Variants in PEG3 observed in about 807,000 individuals in gnomAD.
PEG3 encodes paternally-expressed gene 3 protein.
PEG3 carries 23 observed loss-of-function variants against 35.5 expected under a neutral mutation model. The observed-to-expected ratio is 0.65, with a 90% CI of 0.47 to 0.92. The LOEUF (loss-of-function observed/expected upper bound fraction) is 0.92. PEG3 is among the 40% of genes least tolerant of loss of function. PEG3 has a pLI of 0.00. For missense variants in PEG3, 1,960 were observed against 1,985.3 expected (o/e 0.99, Z 0.24); for synonymous variants, 707 against 697.0 (o/e 1.01, Z -0.23).
chr19:56,821,955 A>G (rs569499631), intron 6 of PEG3, among the ~76,000 whole-genome samples: 24 of 151,698 alleles, frequency 1.6e-4, no homozygotes, highest in African/African-American at 5.6e-4. Context: ...GGGCAGGGCC[A>G]GGGGCCCTGC....
intron 7 of PEG3, among the ~76,000 whole-genome samples, chr19:56,819,989 C>A (rs945516195): frequency 2.6e-5 from 4 of 152,130 alleles, no homozygotes; most frequent in Non-Finnish European, 5.9e-5. Flanking sequence ...CTAAGTAGGG[C>A]AAGGAAACAC....
chr19:56,810,374 T>C lies in PEG3; in HGVS notation c.*3301A>G. On this transcript the variant is annotated 3_prime_UTR_variant, in exon 10 of 10. Coordinates refer to ENST00000326441, the MANE Select transcript of PEG3 (RefSeq NM_006210.3). ...GGAAACCGAAACAAAATAACCATAA[T>C]CCCACAACAACCACACAACTATTTC... The C allele has an allele frequency of 1.0e-6, 1 of 985,342 alleles. No individual in the cohort carries two copies. The highest frequency in any genetic ancestry group is 1.2e-6 in the Non-Finnish European group (1 of 829,890). 61.0% of individuals were successfully genotyped at this position (985,342 alleles called of 1,614,324 possible). A position where few individuals can be genotyped will look rare whatever the true frequency, so the allele number is the denominator to read the frequency against.
At chr19:56,820,756 G>C (rs1013464296) in intron 7 of PEG3, among the ~76,000 whole-genome samples, 3 of 152,220 alleles carry the variant, frequency 2.0e-5, no homozygotes, top group African/African-American at 7.2e-5. Context: ...CAACATTTGT[G>C]TCAATACTTA....
In PEG3 at chr19:56,824,690, C is replaced by G. The variant is rs199858418; in HGVS notation, c.-35G>C. ...TAAAATTTTCACTGGAGGAACCAAA[C>G]ATGAGTCAACAGGAAAGACGCGGCA... is the stretch of plus-strand genomic sequence containing the variant. On this transcript the variant is annotated 5_prime_UTR_variant, in exon 4 of 10. It removes an upstream start codon present in the reference 5' UTR. Transcript: ENST00000326441. 6 of 1,567,732 alleles carry G rather than the reference C, an allele frequency of 3.8e-6. No individual in the cohort carries two copies. The highest frequency in any genetic ancestry group is 3.4e-4 in the Middle Eastern group (2 of 5,868).
At position 56,824,760 on chromosome 19, in the gene PEG3, T is replaced by C. The variant is rs565372631; in HGVS notation, c.-86-19A>G. ...CAGGGACCTGTGGATCGTAAGGAGA[T>C]ATACACATGTCCCAGAAGTTGAAGA... On this transcript the variant is annotated intron_variant, in intron 3 of 9. Coordinates refer to ENST00000326441, the MANE Select transcript of PEG3 (RefSeq NM_006210.3). 7.9e-5 allele frequency: 86 copies of C among 1,083,722 alleles called. No homozygotes were observed. The highest frequency in any genetic ancestry group is 1.9e-4 in the African/African-American group (12 of 63,534). The allele number at this position is 1,083,722 out of a possible 1,614,324, so 67.1% of individuals were successfully genotyped here. A position where few individuals can be genotyped will look rare whatever the true frequency, so the allele number is the denominator to read the frequency against.
rs2059831970 is a variant in PEG3, at chr19:56,814,914, T to C, written c.3528A>G (p.Ser1176=). The part of the protein sequence containing the change: ...PKCGESFIHS[S]FLFEHQRIHE... ...GGATTCTCTGATGCTCGAAAAGGAA[T>C]GAGCTATGAATAAAAGATTCCCCAC... Residue 1176 remains serine, a synonymous_variant, in exon 10 of 10, where the codon TCA becomes TCG. Transcript: ENST00000326441. The surrounding 1 kb of genome is among the most constrained non-coding windows in gnomAD (Gnocchi z 5.8). 1.9e-6 allele frequency: 3 copies of C among 1,613,514 alleles called. No homozygotes were observed. The highest frequency in any genetic ancestry group is 1.7e-5 in the Admixed American group (1 of 60,008).
intron 1 of PEG3, among the ~76,000 whole-genome samples, chr19:56,837,085 T>C (rs187048008): frequency 6.6e-6 from 1 of 152,118 alleles, no homozygotes; most frequent in East Asian, 1.9e-4. Context: ...TAAGATCTCC[T>C]TGGGTGGAGC....
intron 2 of PEG3, among the ~76,000 whole-genome samples, chr19:56,827,305 C>T (rs1466971205): frequency 6.6e-6 from 1 of 152,114 alleles, no homozygotes; most frequent in Non-Finnish European, 1.5e-5. Context: ...ATTAAACATA[C>T]ACAATCTTCC....
At position 56,810,981 on chromosome 19, in the gene PEG3, TA is replaced by T; in HGVS notation, c.*2693del. ...GTATTTAACCATAATTCCACAAAGGTAATGTAACAGCTATTTTGAATATACA... is the reference window on the plus strand; with the variant it reads ...GTATTTAACCATAATTCCACAAAGGTATGTAACAGCTATTTTGAATATACA... On this transcript the variant is annotated 3_prime_UTR_variant, in exon 10 of 10. Coordinates refer to ENST00000326441, the MANE Select transcript of PEG3 (RefSeq NM_006210.3). The T allele has an allele frequency of 1.0e-6, 1 of 972,898 alleles. No homozygotes were observed. The highest frequency in any genetic ancestry group is 1.2e-6 in the Non-Finnish European group (1 of 818,496). The allele number at this position is 972,898 out of a possible 1,614,324, so 60.3% of individuals were successfully genotyped here.
In PEG3 at chr19:56,816,182, A is replaced by G; in HGVS notation, c.2260T>C (p.Ser754Pro). 1 of 1,614,128 alleles carries G rather than the reference A, an allele frequency of 6.2e-7. No individual in the cohort carries two copies. The highest frequency in any genetic ancestry group is 1.1e-5 in the South Asian group (1 of 91,080). ...ATCTTCTGGTTTTCATAGGGGTTAG[A>G]GCTAATGGTGAACGCCTTTTCGTCC... The part of the protein sequence containing the change: ...DEDEKAFTIS[S>P]NPYENQKIPT... The change falls in exon 10 of 10, where the codon TCT (serine) becomes CCT (proline). Residue 754 changes from serine (S) to proline (P), a missense_variant. Physicochemically the swap from Ser to Pro is moderately conservative, Grantham distance 74. Transcript: ENST00000326441.
chr19:56,832,115 C>T (rs2061626298), intron 2 of PEG3, among the ~76,000 whole-genome samples: 1 of 152,158 alleles, frequency 6.6e-6, no homozygotes, highest in Non-Finnish European at 1.5e-5. Flanking sequence ...AATAACAAGT[C>T]TCTGTTTCTT....
chr19:56,830,259 C>G (rs1410065399), intron 2 of PEG3, among the ~76,000 whole-genome samples: 1 of 152,152 alleles, frequency 6.6e-6, no homozygotes, highest in Non-Finnish European at 1.5e-5. Flanking sequence ...CTAACAAAGT[C>G]CAAATAATAG....
chr19:56,817,677 A>G, intron 9 of PEG3, 69 bp downstream of exon 9: 1 of 1,544,328 alleles, frequency 6.5e-7, no homozygotes, highest in African/African-American at 1.4e-5. Context: ...AGGAATGCAA[A>G]GTGTAGAAGT....
Position 56,813,240 on chromosome 19 carries a change from C to G in PEG3, c.*435G>C, listed in dbSNP as rs1450817292. 24 of 979,212 alleles carry G rather than the reference C, an allele frequency of 2.5e-5. No individual in the cohort carries two copies. The highest frequency in any genetic ancestry group is 2.7e-5 in the Non-Finnish European group (22 of 824,286). The allele number at this position is 979,212 out of a possible 1,614,324, so 60.7% of individuals were successfully genotyped here. ...ATTCAAAGAATACCAGGTAAGGTAC[C>G]TCTGCAGAGTAAACTGTAACTGTAT... On this transcript the variant is annotated 3_prime_UTR_variant, in exon 10 of 10. Coordinates refer to ENST00000326441, the MANE Select transcript of PEG3 (RefSeq NM_006210.3).
chr19:56,832,209 G>C (rs1327516537), intron 2 of PEG3, among the ~76,000 whole-genome samples: 1 of 152,164 alleles, frequency 6.6e-6, no homozygotes, highest in African/African-American at 2.4e-5. Context: ...TGCAATTACT[G>C]TTTCCTAGCG....
At chr19:56,838,546 C>T (rs559805947) in intron 1 of PEG3, among the ~76,000 whole-genome samples, 1 of 152,324 alleles carries the variant, frequency 6.6e-6, no homozygotes, top group East Asian at 1.9e-4. Context: ...GATGGAACCA[C>T]ACGCATCCTG....
intron 7 of PEG3, among the ~76,000 whole-genome samples, chr19:56,821,119 T>C (rs192215946): frequency 7.7e-4 from 117 of 152,358 alleles, no homozygotes; most frequent in Middle Eastern, 3.4e-3. Flanking sequence ...ACTTTATGTA[T>C]GTGTGTGAGT....
In PEG3 at chr19:56,824,505, T is replaced by G; in HGVS notation, c.151A>C (p.Asn51His). 8.1e-6 allele frequency: 13 copies of G among 1,614,076 alleles called. No homozygotes were observed. Among genetic ancestry groups the G allele is most frequent in the Non-Finnish European group, 1.1e-5 (13 of 1,180,022 alleles). ...CCAACAAATTCCACATAGATTAGGT[T>G]CCGAAACCTCTGATGAAAAAACTCA... ...DSEFFHQRFR[N>H]LIYVEFVGPR... The change falls in exon 4 of 10, where the codon AAC becomes CAC. Residue 51 changes from asparagine to histidine, a missense_variant. Transcript: ENST00000326441.
At position 56,811,004 on chromosome 19, in the gene PEG3, T is replaced by C. The variant is rs997010751; in HGVS notation, c.*2671A>G. 1.0e-6 allele frequency: 1 copy of C among 975,612 alleles called. No homozygotes were observed. The highest frequency in any genetic ancestry group is 1.2e-6 in the Non-Finnish European group (1 of 821,018). The allele number at this position is 975,612 out of a possible 1,614,324, so 60.4% of individuals were successfully genotyped here. Reference sequence around the variant, plus strand: ...GGTAATGTAACAGCTATTTTGAATATACATTTTGACACAGTTATAATCATA... The same window carrying C: ...GGTAATGTAACAGCTATTTTGAATACACATTTTGACACAGTTATAATCATA... On this transcript the variant is annotated 3_prime_UTR_variant, in exon 10 of 10. Transcript: ENST00000326441.
Sources: allele counts gnomAD v4.1 joint callset (sites outside exome capture counted in the v4.1 genomes callset), GRCh38; gene constraint gnomAD v4.1.1; non-coding constraint Gnocchi (gnomAD v3.1); transcripts MANE v1.5; gene names NCBI Gene and HGNC (gene_info 2026-07-23, HGNC 2026-07-21).